The following GDAP1 variants were observed in gnomAD, a reference collection of about 807,000 sequenced individuals.
GDAP1 encodes the protein ganglioside-induced differentiation-associated protein 1.
A neutral mutation model predicts 40.1 loss-of-function variants in GDAP1; 34 were observed. The ratio of observed to expected loss-of-function variants is 0.85; its 90% confidence interval spans 0.64 to 1.13. The LOEUF is 1.13. Among genes scored for constraint, GDAP1 ranks in the 50% most tolerant of loss-of-function variants. GDAP1 has a pLI of 0.00. For synonymous variants in GDAP1, 170 were observed against 157.4 expected, an observed-to-expected ratio of 1.08 and a Z score of -0.60; for missense variants, 374 against 433.7, an observed-to-expected ratio of 0.86 and a Z score of 1.22.
At chr8:74,447,526 C>T (rs1806246562) in intron 2 of GDAP1, among the ~76,000 whole-genome samples, 1 of 152,142 alleles carries the variant, frequency 6.6e-6, no homozygotes, top group Admixed American at 6.5e-5. Context: ...TGATGGCTTG[C>T]AGTCAAAACA....
intron 2 of GDAP1, among the ~76,000 whole-genome samples, chr8:74,417,851 C>A (rs754685435): frequency 4.0e-5 from 6 of 149,996 alleles, no homozygotes; most frequent in Non-Finnish European, 8.9e-5. Context: ...TTATCAAGGT[C>A]AAAGAATGTA....
At chr8:74,448,948 T>G (rs1011059230) in intron 2 of GDAP1, among the ~76,000 whole-genome samples, 1 of 152,100 alleles carries the variant, frequency 6.6e-6, no homozygotes, top group African/African-American at 2.4e-5. Context: ...ATTTGCTTAC[T>G]GTGTTACTGT....
chr8:74,405,783 G>A (rs1358097079), intron 2 of GDAP1, among the ~76,000 whole-genome samples: 1 of 149,972 alleles, frequency 6.7e-6, no homozygotes, highest in East Asian at 1.9e-4. Flanking sequence ...GGGAGATATT[G>A]AGGAACTAAA....
intron 2 of GDAP1, among the ~76,000 whole-genome samples, chr8:74,466,221 C>G (rs575662038): frequency 5.9e-5 from 9 of 152,218 alleles, no homozygotes; most frequent in Non-Finnish European, 1.3e-4. Flanking sequence ...TTGAGTATCT[C>G]TGGATTTCTC....
chr8:74,424,807 A>G (rs1359269340), intron 2 of GDAP1, among the ~76,000 whole-genome samples: 1 of 152,180 alleles, frequency 6.6e-6, no homozygotes, highest in African/African-American at 2.4e-5. Context: ...AGTATTAGAA[A>G]TTATGTCTGT....
At chr8:74,457,150 G>T (rs906211701) in intron 2 of GDAP1, among the ~76,000 whole-genome samples, 5 of 151,878 alleles carry the variant, frequency 3.3e-5, no homozygotes, top group Non-Finnish European at 5.9e-5. Context: ...CTCTTGAATT[G>T]CCTTTAAAAA....
chr8:74,395,235 A>T (rs150157420), intron 2 of GDAP1, among the ~76,000 whole-genome samples: 1 of 152,182 alleles, frequency 6.6e-6, no homozygotes, highest in South Asian at 2.1e-4. Context: ...CTTCAATAAC[A>T]TATTTCAAAT....
At chr8:74,411,524 AAT>A (rs57240234) in intron 2 of GDAP1, among the ~76,000 whole-genome samples, 48,067 of 142,968 alleles carry the variant, frequency 0.34, 8,693 homozygotes, top group South Asian at 0.41. Flanking sequence ...TTATTAAGCA[AAT>A]ATATATATAT....
intron 2 of GDAP1, 149 bp from the exon 3 acceptor site, chr8:74,359,988 A>T (rs1563442197): frequency 0.21 from 152 of 734 alleles, 75 homozygotes; most frequent in Non-Finnish European, 0.27. Context: ...CAAACTTTGA[A>T]TGAATGTCTG....
Position 74,481,234 on chromosome 8 carries a change from C to T in GDAP1, c.166-7444C>T, listed in dbSNP as rs547542182. 4.0e-5 allele frequency among the ~76,000 whole-genome samples: 6 copies of T among 151,842 alleles called. No homozygotes were observed. In the South Asian group the frequency reaches 8.3e-4, roughly 21 times the overall value. ...CTTTGGGGCACCCAGTGCATTTGGA[C>T]GCTAGTAAAAATAATTAGAAGTAAT... On this transcript the variant is annotated intron_variant, in intron 2 of 2. Coordinates refer to the GDAP1 transcript ENST00000523640.
At chr8:74,377,606 T>C (rs1042131777) in intron 2 of GDAP1, among the ~76,000 whole-genome samples, 12 of 152,188 alleles carry the variant, frequency 7.9e-5, no homozygotes, top group African/African-American at 2.2e-4. Flanking sequence ...CTGGGTAAAA[T>C]TTAAAAGGCT....
intron 2 of GDAP1, among the ~76,000 whole-genome samples, chr8:74,381,916 T>C (rs952030389): frequency 6.6e-6 from 1 of 152,142 alleles, no homozygotes; most frequent in African/African-American, 2.4e-5. Context: ...ATATCAGTAG[T>C]TGGCTTATCT....
chr8:74,471,434 G>T (rs1806553559), intron 2 of GDAP1, among the ~76,000 whole-genome samples: 3 of 125,268 alleles, frequency 2.4e-5, no homozygotes, highest in South Asian at 2.9e-4. Flanking sequence ...TTCTAAATCA[G>T]AGTAAATTTT....
At position 74,373,899 on chromosome 8, in the gene GDAP1, T is replaced by C. The variant is rs576622382; in HGVS notation, c.165+22578T>C. ...TATGATATTGGCTGTGGGTTTGTCA[T>C]AAATGGCTCTTATTATTTTGAGATG... On this transcript the variant is annotated intron_variant, in intron 2 of 2. Transcript: ENST00000523640. Among the ~76,000 whole-genome samples the C allele has an allele frequency of 2.5e-4, 38 of 152,350 alleles. No homozygotes were observed. In the South Asian group the frequency reaches 6.2e-3, roughly 25 times the overall value.
rs143436060 is a variant in GDAP1 at position 74,428,779 on chromosome 8, G to C, written c.166-59899G>C. On this transcript the variant is annotated intron_variant, in intron 2 of 2. Transcript: ENST00000523640. ...TTACAGACATGAGCCACCCATGCCT[G>C]GCCCAGAGGTTTGTTTTGTTAAGAA... 4.8e-3 allele frequency among the ~76,000 whole-genome samples: 728 copies of C among 150,698 alleles called. 5 individuals are homozygous for C. Among genetic ancestry groups the C allele is most frequent in the African/African-American group, 0.017 (701 of 40,960 alleles).
At position 74,397,198 on chromosome 8, in the gene GDAP1, G is replaced by GT. The variant is rs1168855742; in HGVS notation, c.165+45877_165+45878insT. Reference sequence around the variant, plus strand: ...CATGTCCTTTGCCCGCTTTTTGATGGGTTTTTTTTTTTTTTTCTTGTAAAT... The same window carrying GT: ...CATGTCCTTTGCCCGCTTTTTGATGGTGTTTTTTTTTTTTTTTCTTGTAAAT... On this transcript the variant is annotated intron_variant, in intron 2 of 2. Coordinates refer to the GDAP1 transcript ENST00000523640. Among the ~76,000 whole-genome samples the GT allele has an allele frequency of 7.5e-3, 734 of 97,898 alleles. 3 individuals carry two copies. The highest frequency in any genetic ancestry group is 0.02 in the Middle Eastern group (4 of 196). 64.2% of individuals were successfully genotyped at this position (97,898 alleles called of 152,430 possible).
At chr8:74,396,731 A>G (rs1308512900) in intron 2 of GDAP1, among the ~76,000 whole-genome samples, 1 of 152,186 alleles carries the variant, frequency 6.6e-6, no homozygotes, top group Non-Finnish European at 1.5e-5. Flanking sequence ...TATATGTGCC[A>G]CATTTTCTTA....
intron 2 of GDAP1, among the ~76,000 whole-genome samples, chr8:74,409,538 A>G (rs1227956667): frequency 6.7e-6 from 1 of 149,754 alleles, no homozygotes; most frequent in East Asian, 1.9e-4. Context: ...TTTTTAGTAG[A>G]GATGGGGTTT....
chr8:74,387,372 T>G (rs527501284), intron 2 of GDAP1, among the ~76,000 whole-genome samples: 2 of 152,364 alleles, frequency 1.3e-5, no homozygotes, highest in Admixed American at 1.3e-4. Context: ...CCTAGTTTAT[T>G]GAGTGTTTTT....
Sources: allele counts gnomAD v4.1 joint callset (sites outside exome capture counted in the v4.1 genomes callset), GRCh38; gene constraint gnomAD v4.1.1; transcripts MANE v1.5; gene names NCBI Gene and HGNC (gene_info 2026-07-23, HGNC 2026-07-21).